Variants in RPE observed in about 807,000 individuals in gnomAD.
RPE encodes the protein ribulose-phosphate 3-epimerase.
A neutral mutation model predicts 24.6 loss-of-function variants in RPE; 16 were observed. That is an observed-to-expected ratio of 0.65 (90% CI 0.44 to 0.99). The LOEUF (loss-of-function observed/expected upper bound fraction) is 0.99. Among genes scored for constraint, RPE ranks in the 50% least tolerant of loss-of-function variants. The probability of loss-of-function intolerance (pLI) is 0.00; values close to 1 mark genes in which losing one functional copy is unlikely to be tolerated. For missense variants in RPE, 240 were observed against 294.5 expected, an observed-to-expected ratio of 0.81 and a Z score of 1.35; for synonymous variants, 93 against 98.4, an observed-to-expected ratio of 0.94 and a Z score of 0.33.
At chr2:210,014,311 G>T (rs948508611) in intron 2 of RPE, among the ~76,000 whole-genome samples, 1 of 151,530 alleles carries the variant, frequency 6.6e-6, no homozygotes, top group Non-Finnish European at 1.5e-5. Context: ...GGATGGTCTC[G>T]ATCTCCTGAC....
intron 5 of RPE, chr2:210,018,779 C>A: frequency 1.3e-6 from 1 of 783,532 alleles, no homozygotes; most frequent in Non-Finnish European, 1.5e-6. Context: ...ATATGAAGAA[C>A]TCCCACAAGC....
intron 2 of RPE, among the ~76,000 whole-genome samples, chr2:210,015,548 A>G (rs2093759714): frequency 6.6e-6 from 1 of 152,226 alleles, no homozygotes; most frequent in Admixed American, 6.5e-5. Context: ...CTCTAACCCT[A>G]GGACCTAGAA....
At chr2:210,008,349 G>T (rs1170733715) in intron 1 of RPE, among the ~76,000 whole-genome samples, 2 of 144,498 alleles carry the variant, frequency 1.4e-5, no homozygotes, top group African/African-American at 2.6e-5. Flanking sequence ...AGGCTGGAGT[G>T]CAGTGGCGTG....
At chr2:210,014,344 C>T (rs963475462) in intron 2 of RPE, among the ~76,000 whole-genome samples, 4 of 152,166 alleles carry the variant, frequency 2.6e-5, no homozygotes, top group African/African-American at 9.7e-5. Context: ...CCGCCTTGGC[C>T]TCCCAAAGTG....
chr2:210,004,568 G>A (rs2093605127), intron 1 of RPE, among the ~76,000 whole-genome samples: 1 of 152,108 alleles, frequency 6.6e-6, no homozygotes, highest in Non-Finnish European at 1.5e-5. Context: ...ACATTGTTTG[G>A]CCTCAAAAAA....
In RPE at chr2:210,019,669, G is replaced by A. The variant is rs1450891874; in HGVS notation, c.565G>A (p.Ala189Thr). Residue 189 changes from alanine to threonine, a missense_variant and splice_region_variant, in exon 6 of 6, where the codon GCA (alanine) becomes ACA (threonine). Coordinates refer to ENST00000359429, the MANE Select transcript of RPE (RefSeq NM_199229.3). ...TAACCTAACTGTTTACTTCTTCCAG[G>A]CAGGAGCTAACATGATTGTGTCTGG... ...GPDTVHKCAE[A>T]GANMIVSGSA... The A allele has an allele frequency of 6.2e-7, 1 of 1,611,306 alleles. No individual in the cohort carries two copies. Among genetic ancestry groups the A allele is most frequent in the South Asian group, 1.1e-5 (1 of 90,738 alleles).
chr2:210,006,163 T>C (rs1174999405), intron 1 of RPE, among the ~76,000 whole-genome samples: 1 of 152,228 alleles, frequency 6.6e-6, no homozygotes, highest in Non-Finnish European at 1.5e-5. Context: ...AAGCAGACTT[T>C]TTAGTGAAGT....
chr2:210,018,245 A>G (rs1221702907), intron 5 of RPE: 5 of 1,519,992 alleles, frequency 3.3e-6, no homozygotes, highest in Admixed American at 2.1e-5. Context: ...GGGAAAATAG[A>G]TAAATCTAAT....
intron 2 of RPE, among the ~76,000 whole-genome samples, chr2:210,012,439 G>C (rs2539867): frequency 0.95 from 144,683 of 152,326 alleles, 69,149 homozygotes; most frequent in East Asian, 1. Flanking sequence ...TGAAGCAGTA[G>C]AAATTAATAA....
chr2:210,018,447 T>C (rs1379671076), intron 5 of RPE: 2 of 984,998 alleles, frequency 2.0e-6, no homozygotes, highest in African/African-American at 3.5e-5. Context: ...CTCCTGAGGA[T>C]GCCAGCCCTT....
At chr2:210,017,646 G>C in intron 5 of RPE, 87 bp downstream of exon 5, 10 of 1,248,696 alleles carry the variant, frequency 8.0e-6, no homozygotes, top group Non-Finnish European at 1.0e-5. Context: ...GATTCCCTCT[G>C]TGGTTCCTAA....
intron 2 of RPE, among the ~76,000 whole-genome samples, chr2:210,010,826 G>C (rs2093689823): frequency 6.6e-6 from 1 of 152,152 alleles, no homozygotes; most frequent in African/African-American, 2.4e-5. Flanking sequence ...GCTGAGGCAT[G>C]AGAATCACTT....
chr2:210,009,759 G>A, intron 2 of RPE, 23 bp downstream of exon 2: 1 of 1,614,052 alleles, frequency 6.2e-7, no homozygotes, highest in Non-Finnish European at 8.5e-7. Context: ...TACGCCATCT[G>A]AAGCTGGATG....
At chr2:210,016,203 G>C (rs535020769) in intron 3 of RPE, 91 bp downstream of exon 3, 16 of 1,613,934 alleles carry the variant, frequency 9.9e-6, no homozygotes, top group African/African-American at 2.7e-5. Flanking sequence ...TTTTGATACA[G>C]TCTTGCTCTG....
chr2:210,008,826 G>A (rs2093665150), intron 1 of RPE, among the ~76,000 whole-genome samples: 1 of 151,646 alleles, frequency 6.6e-6, no homozygotes, highest in Admixed American at 6.6e-5. Flanking sequence ...CTGCCTAGAA[G>A]CTGGGATTAC....
rs568300191 is a variant in RPE, at chr2:210,004,711, T to A, written c.122+1928T>A. Among the ~76,000 whole-genome samples, 7 of 151,412 alleles carry A rather than the reference T, an allele frequency of 4.6e-5. No individual in the cohort carries two copies. In the East Asian group the frequency reaches 9.7e-4, roughly 21 times the overall value. On this transcript the variant is annotated intron_variant, in intron 1 of 5. Transcript: ENST00000359429. ...CTTCTTTTTGCTCACCTATATATTC[T>A]TTGCTGGAAAAGCACCATAAGGTGC...
Position 210,017,341 on chromosome 2 carries a change from T to G in RPE, c.478-132T>G, listed in dbSNP as rs2093786443. 5.7e-6 allele frequency: 4 copies of G among 695,938 alleles called. No homozygotes were observed. The Admixed American group carries it at 1.0e-4, about 18-fold the overall frequency. 43.1% of individuals were successfully genotyped at this position (695,938 alleles called of 1,614,324 possible). ...CAGTAATATGTTGTATTGGTATAGTTATTGTGTGAGACAATTGGAGTTTTA... is the reference window on the plus strand; with the variant it reads ...CAGTAATATGTTGTATTGGTATAGTGATTGTGTGAGACAATTGGAGTTTTA... On this transcript the variant is annotated intron_variant, in intron 4 of 5. Transcript: ENST00000359429.
chr2:210,018,242 T>C (rs1009831278), intron 5 of RPE: 28 of 1,522,384 alleles, frequency 1.8e-5, no homozygotes, highest in Admixed American at 2.1e-5. Context: ...GGGGGGAAAA[T>C]AGATAAATCT....
Position 210,015,900 on chromosome 2 carries a change from A to G in RPE, c.203-73A>G, listed in dbSNP as rs1449252531. 7 of 1,545,926 alleles carry G rather than the reference A, an allele frequency of 4.5e-6. 1 individual carries two copies. The Middle Eastern group carries it at 6.7e-4, about 148-fold the overall frequency. On this transcript the variant is annotated intron_variant, in intron 2 of 5. Transcript: ENST00000359429. ...GTTCTTATCAGAAGTGGCAAAAACT[A>G]CATACAGGTTGGCTTCCAATAACAT... is the stretch of plus-strand genomic sequence containing the variant.
Sources: gnomAD v4.1 joint callset for allele counts (sites outside exome capture counted in the v4.1 genomes callset) on GRCh38, gnomAD v4.1.1 for gene constraint, MANE v1.5 for transcripts, NCBI Gene and HGNC (gene_info 2026-07-23, HGNC 2026-07-21) for gene names.